CTBP2: variants seen among roughly 807,000 people sequenced by gnomAD.
The protein encoded by CTBP2 is C-terminal binding protein 2.
CTBP2 carries 30 observed loss-of-function variants against 80.3 expected under a neutral mutation model. The ratio of observed to expected loss-of-function variants is 0.37; its 90% CI spans 0.28 to 0.51. The LOEUF is 0.51. CTBP2 is among the 20% of genes least tolerant of loss of function. CTBP2 has a pLI of 0.93. For missense variants in CTBP2, 1,212 were observed against 1,375.3 expected (o/e 0.88, Z 1.88); for synonymous variants, 594 against 587.4 (o/e 1.01, Z -0.16).
intron 1 of CTBP2, among the ~76,000 whole-genome samples, chr10:125,113,418 T>A (rs1188984722): frequency 6.6e-6 from 1 of 152,242 alleles, no homozygotes; most frequent in African/African-American, 2.4e-5. Flanking sequence ...TCACATTTTA[T>A]TTATCTTTGA....
intron 2 of CTBP2, among the ~76,000 whole-genome samples, chr10:125,078,045 C>T (rs1439161812): frequency 2.0e-5 from 3 of 152,122 alleles, no homozygotes; most frequent in Admixed American, 6.5e-5. Flanking sequence ...CTTTGGGAGG[C>T]CAAGACGGGC....
chr10:125,026,954 G>A lies in CTBP2; in HGVS notation c.806C>T (p.Ala269Val). 1 of 1,614,084 alleles carries A rather than the reference G, an allele frequency of 6.2e-7. No homozygotes were observed. The highest frequency in any genetic ancestry group is 1.3e-5 in the African/African-American group (1 of 75,062). ...CAGGTCAGCTTCGTAAGTCTCGTAA[G>A]CCATCTTGGATGGGATGCTTTCCCG... The change falls in exon 1 of 9, where the codon GCT becomes GTT. Residue 269 changes from alanine to valine, a missense_variant. Around this residue, in one of 3 missense-constraint regions of CTBP2, gnomAD observed 848 missense variants for 782.3 expected, o/e 1.08. Transcript: ENST00000309035.
intron 6 of CTBP2, among the ~76,000 whole-genome samples, 190 bp from the exon 9 acceptor site, chr10:124,993,519 C>T (rs930299039): frequency 1.3e-5 from 2 of 152,038 alleles, no homozygotes; most frequent in African/African-American, 2.4e-5. Flanking sequence ...GTGTAAGAAC[C>T]GTATAATTGG....
At chr10:125,147,100 G>A (rs1406233536) in intron 1 of CTBP2, among the ~76,000 whole-genome samples, 4 of 152,184 alleles carry the variant, frequency 2.6e-5, no homozygotes, top group Admixed American at 2.0e-4. Context: ...CATTCCTCAG[G>A]GACCTGGGAG....
At chr10:125,025,394 C>T (rs180894613) in intron 1 of CTBP2, among the ~76,000 whole-genome samples, 159 of 152,338 alleles carry the variant, frequency 1.0e-3, no homozygotes, top group African/African-American at 3.7e-3. Context: ...AAACCACCTA[C>T]CATCACTCTC....
intron 2 of CTBP2, among the ~76,000 whole-genome samples, chr10:125,040,599 T>TACACAC (rs59512017): frequency 0.031 from 4,549 of 146,034 alleles, 118 homozygotes; most frequent in Middle Eastern, 0.092. Flanking sequence ...CACAACCACA[T>TACACAC]ACACACACAC....
chr10:125,082,397 A>G (rs939119196), intron 2 of CTBP2, among the ~76,000 whole-genome samples: 1 of 152,072 alleles, frequency 6.6e-6, no homozygotes, highest in African/African-American at 2.4e-5. Flanking sequence ...AAACTCAGTA[A>G]CTTCCCCAAA....
chr10:125,059,722 C>G (rs919526280), intron 2 of CTBP2, among the ~76,000 whole-genome samples: 20 of 152,312 alleles, frequency 1.3e-4, no homozygotes, highest in African/African-American at 4.8e-4. Context: ...GCCACTGACA[C>G]TGCATCAGTG....
chr10:125,040,122 T>G (rs1179341133), intron 2 of CTBP2, among the ~76,000 whole-genome samples: 1 of 152,172 alleles, frequency 6.6e-6, no homozygotes, highest in Non-Finnish European at 1.5e-5. Flanking sequence ...TTTAAGTCAC[T>G]GCTCTGGAAC....
chr10:125,098,675 A>G lies in CTBP2; in HGVS notation c.-102+12315T>C, dbSNP rs1194499833. Among the ~76,000 whole-genome samples the G allele has an allele frequency of 3.4e-5, 4 of 116,726 alleles. No individual in the cohort carries two copies. The East Asian group carries it at 8.5e-4, about 25-fold the overall frequency. 76.6% of individuals were successfully genotyped at this position (116,726 alleles called of 152,430 possible). A position where few individuals can be genotyped will look rare whatever the true frequency, so the allele number is the denominator to read the frequency against. On this transcript the variant is annotated intron_variant, in intron 2 of 10. Transcript: ENST00000337195. ...GGGAGGGGGAGAGAGAGAGAGAGAG[A>G]GAGAGAGAGAGAGAGAGAGAGAGAG...
chr10:125,157,531 T>G (rs1460527513), intron 1 of CTBP2, among the ~76,000 whole-genome samples: 1 of 151,914 alleles, frequency 6.6e-6, no homozygotes, highest in Admixed American at 6.6e-5. Context: ...CTCTAATAAC[T>G]GCTTTCCACA....
intron 3 of CTBP2, among the ~76,000 whole-genome samples, chr10:125,033,138 C>A (rs978396055): frequency 6.6e-6 from 1 of 152,252 alleles, no homozygotes; most frequent in African/African-American, 2.4e-5. Flanking sequence ...ACAGACATCT[C>A]TTCAACCGGA....
In CTBP2 at chr10:125,003,462, AG is replaced by A; in HGVS notation, c.1708del (p.Leu570CysfsTer22). The A allele has an allele frequency of 6.3e-7, 1 of 1,576,836 alleles. No homozygotes were observed. Among genetic ancestry groups the A allele is most frequent in the African/African-American group, 1.4e-5 (1 of 72,662 alleles). On this transcript the variant is annotated frameshift_variant, in exon 2 of 9. Coordinates refer to ENST00000309035, the MANE Select transcript of CTBP2 (RefSeq NM_022802.3). LOFTEE classifies it high-confidence loss of function. ...CAGCGCCACCAGGGGGCGGGGGTGC[AG>A]GGGGCCGTTCATGATCTGGGGGCGG...
rs1952123912 is a variant in CTBP2 at position 124,988,154 on chromosome 10, T to TA, written c.*1363_*1364insT. 1 of 152,572 alleles carries TA rather than the reference T, an allele frequency of 6.6e-6. No individual in the cohort carries two copies. Among genetic ancestry groups the TA allele is most frequent in the African/African-American group, 2.4e-5 (1 of 41,458 alleles). 9.5% of individuals were successfully genotyped at this position (152,572 alleles called of 1,614,324 possible). A position where few individuals can be genotyped will look rare whatever the true frequency, so the allele number is the denominator to read the frequency against. ...ATAATGATGGACTTGTGTGAGGTTT[T>TA]GATTTTTCAATTAAACTTTTTGTTA... On this transcript the variant is annotated 3_prime_UTR_variant, in exon 9 of 9. Transcript: ENST00000309035.
intron 2 of CTBP2, among the ~76,000 whole-genome samples, chr10:125,078,865 C>G (rs1048189271): frequency 6.6e-6 from 1 of 151,774 alleles, no homozygotes. Context: ...AGGCCTGGCA[C>G]GGTGGCTCGT....
intron 2 of CTBP2, among the ~76,000 whole-genome samples, chr10:125,092,917 G>C (rs1185243206): frequency 6.6e-6 from 1 of 152,140 alleles, no homozygotes. Flanking sequence ...TCTAGAGTGG[G>C]GGGGGGCAGC....
At chr10:125,002,396 G>C (rs572393795) in intron 3 of CTBP2, among the ~76,000 whole-genome samples, 1 of 152,340 alleles carries the variant, frequency 6.6e-6, no homozygotes, top group South Asian at 2.1e-4. Flanking sequence ...CCAACTCTGG[G>C]TTCCCGCCTG....
intron 1 of CTBP2, among the ~76,000 whole-genome samples, chr10:125,018,870 C>G (rs891614162): frequency 1.3e-5 from 2 of 152,240 alleles, no homozygotes; most frequent in African/African-American, 4.8e-5. Context: ...GAAGCACACC[C>G]AGGGTGCTAA....
intron 2 of CTBP2, among the ~76,000 whole-genome samples, chr10:125,068,998 A>T (rs1486137989): frequency 6.6e-6 from 1 of 152,058 alleles, no homozygotes; most frequent in African/African-American, 2.4e-5. Context: ...TGGGGCAGGG[A>T]GATCAGCTAC....
Sources: allele counts gnomAD v4.1 joint callset (sites outside exome capture counted in the v4.1 genomes callset), GRCh38; gene constraint gnomAD v4.1.1; regional missense constraint gnomAD v4.1.1; transcripts MANE v1.5; gene names NCBI Gene and HGNC (gene_info 2026-07-23, HGNC 2026-07-21).